CFAP54: variants seen among roughly 807,000 people sequenced by gnomAD.
The protein encoded by CFAP54 is cilia and flagella associated protein 54.
Under a neutral mutation model 370.4 loss-of-function variants are expected in CFAP54, and 290 were observed. The observed-to-expected ratio is 0.78, with a 90% confidence interval of 0.71 to 0.86. The LOEUF (loss-of-function observed/expected upper bound fraction) is 0.86. Ranked by LOEUF, CFAP54 falls within the 40% of genes least tolerant of loss-of-function variation. CFAP54 has a pLI of 0.00. For missense variants in CFAP54, 3,399 were observed against 3,528.7 expected (o/e 0.96, Z 0.93); for synonymous variants, 1,206 against 1,236.5 (o/e 0.98, Z 0.52).
chr12:96,769,789 C>T (rs1958440402), intron 60 of CFAP54, among the ~76,000 whole-genome samples: 1 of 152,182 alleles, frequency 6.6e-6, no homozygotes, highest in South Asian at 2.1e-4. Flanking sequence ...AACGTAAACA[C>T]CCTACTTTGG....
Position 96,743,504 on chromosome 12 carries a change from T to C in CFAP54, c.7322T>C (p.Val2441Ala), listed in dbSNP as rs1780510975. 6.2e-7 allele frequency: 1 copy of C among 1,613,994 alleles called. No homozygotes were observed. Among genetic ancestry groups the C allele is most frequent in the South Asian group, 1.1e-5 (1 of 91,086 alleles). The stretch of plus-strand genomic sequence containing the variant: ...CAGGCTGAATTCTTGACGCAAGCTG[T>C]AATTCTTGGCCTACAAGAAAAGCAT... ...ELQAEFLTQA[V>A]ILGLQEKHLK... The change falls in exon 53 of 68, where the codon GTA (valine) becomes GCA (alanine). Residue 2441 changes from valine to alanine, a missense_variant. Physicochemically the swap from Val to Ala is moderately conservative, Grantham distance 64. Transcript: ENST00000524981.
chr12:96,758,894 C>G (rs1958299548), intron 58 of CFAP54, among the ~76,000 whole-genome samples: 1 of 152,130 alleles, frequency 6.6e-6, no homozygotes, highest in African/African-American at 2.4e-5. Flanking sequence ...GTCTGTGGGC[C>G]ACACGTGAGG....
chr12:96,652,728 C>G (rs545627793), intron 36 of CFAP54, among the ~76,000 whole-genome samples: 1 of 152,192 alleles, frequency 6.6e-6, no homozygotes, highest in African/African-American at 2.4e-5. Flanking sequence ...AAGCAAGACA[C>G]ATGTACCCGT....
chr12:96,813,848 G>A (rs1958949804), intron 64 of CFAP54, among the ~76,000 whole-genome samples: 1 of 152,208 alleles, frequency 6.6e-6, no homozygotes, highest in South Asian at 2.1e-4. Context: ...GGTTTAAAAA[G>A]CTGGAACAGG....
Position 96,604,784 on chromosome 12 carries a change from A to G in CFAP54, c.3639+6017A>G, listed in dbSNP as rs139399776. 2.3e-3 allele frequency among the ~76,000 whole-genome samples: 348 copies of G among 152,380 alleles called. 1 individual carries two copies. The highest frequency in any genetic ancestry group is 6.7e-3 in the Admixed American group (102 of 15,308). ...CCATGGGCATGGGACCTGCCAAGCCAGGCATGGGAGGGAATCTCCTGGTCT... is the reference window on the plus strand; with the variant it reads ...CCATGGGCATGGGACCTGCCAAGCCGGGCATGGGAGGGAATCTCCTGGTCT... On this transcript the variant is annotated intron_variant, in intron 26 of 67. Coordinates refer to ENST00000524981, the MANE Select transcript of CFAP54 (RefSeq NM_001306084.2).
intron 62 of CFAP54, 35 bp from the exon 63 acceptor site, chr12:96,792,294 C>T: frequency 2.8e-6 from 4 of 1,419,144 alleles, no homozygotes; most frequent in East Asian, 2.6e-5. Flanking sequence ...AATTTATTAC[C>T]AGTAATTAAA....
chr12:96,512,785 A>G (rs1955187893), intron 4 of CFAP54, among the ~76,000 whole-genome samples: 1 of 152,238 alleles, frequency 6.6e-6, no homozygotes, highest in African/African-American at 2.4e-5. Context: ...CATATTTAAA[A>G]TACGGCCATG....
intron 64 of CFAP54, among the ~76,000 whole-genome samples, chr12:96,812,459 T>C (rs1958937283): frequency 6.6e-6 from 1 of 152,176 alleles, no homozygotes; most frequent in Non-Finnish European, 1.5e-5. Flanking sequence ...CTGTTGTTGT[T>C]TTTTCATTTA....
intron 46 of CFAP54, among the ~76,000 whole-genome samples, chr12:96,704,026 G>T (rs1260933113): frequency 6.6e-6 from 1 of 152,162 alleles, no homozygotes; most frequent in East Asian, 1.9e-4. Flanking sequence ...ACATTCATAG[G>T]ATAAAGTATC....
chr12:96,554,367 TG>T (rs1292650882), intron 16 of CFAP54, 57 bp downstream of exon 16: 2 of 1,446,910 alleles, frequency 1.4e-6, no homozygotes, highest in East Asian at 5.2e-5. Flanking sequence ...GGAAGAAAAC[TG>T]GCCTTGAAAG....
intron 1 of CFAP54, among the ~76,000 whole-genome samples, chr12:96,493,842 G>C (rs1314887278): frequency 6.6e-6 from 1 of 152,032 alleles, no homozygotes; most frequent in African/African-American, 2.4e-5. Context: ...ATAAATGCTA[G>C]AGAGAAAAAG....
rs192249980 is a variant in CFAP54, at chr12:96,510,455, G to T, written c.740-2531G>T. Among the ~76,000 whole-genome samples, 230 of 152,086 alleles carry T rather than the reference G, an allele frequency of 1.5e-3. 1 individual carries two copies. Among genetic ancestry groups the T allele is most frequent in the African/African-American group, 5.3e-3 (218 of 41,496 alleles). ...CATTTTAGTGCTGGAAAGGTGAAAGGCACCTTTTTGAAATACAGAGGGCCC... is the reference window on the plus strand; with the variant it reads ...CATTTTAGTGCTGGAAAGGTGAAAGTCACCTTTTTGAAATACAGAGGGCCC... On this transcript the variant is annotated intron_variant, in intron 4 of 67. Transcript: ENST00000524981.
intron 62 of CFAP54, among the ~76,000 whole-genome samples, chr12:96,791,245 C>T (rs1470531521): frequency 6.8e-6 from 1 of 147,168 alleles, no homozygotes; most frequent in Non-Finnish European, 1.5e-5. Flanking sequence ...AGTGCAGTGG[C>T]GTGATATCGG....
intron 4 of CFAP54, among the ~76,000 whole-genome samples, chr12:96,512,341 AT>A (rs1565880147): frequency 5.6e-4 from 37 of 65,874 alleles, no homozygotes; most frequent in African/African-American, 2.0e-3. Flanking sequence ...ATATATATAT[AT>A]ATATATATGT....
intron 8 of CFAP54, among the ~76,000 whole-genome samples, chr12:96,525,424 T>A (rs1894955): frequency 0.11 from 17,332 of 151,944 alleles, 1,593 homozygotes; most frequent in East Asian, 0.45. Context: ...AATATTTATA[T>A]TTCAAAATCT....
At chr12:96,582,561 T>A (rs1036835904) in intron 22 of CFAP54, among the ~76,000 whole-genome samples, 2 of 152,146 alleles carry the variant, frequency 1.3e-5, no homozygotes, top group South Asian at 2.1e-4. Flanking sequence ...GGTTTTCTGA[T>A]GTTTTGGTAT....
At chr12:96,726,327 G>A (rs369425613) in intron 50 of CFAP54, among the ~76,000 whole-genome samples, 13 of 152,264 alleles carry the variant, frequency 8.5e-5, no homozygotes, top group Non-Finnish European at 5.9e-5. Context: ...TGGTTGGTAA[G>A]CTATTGATTA....
intron 57 of CFAP54, 99 bp from the exon 58 acceptor site, chr12:96,757,396 C>A: frequency 1.7e-6 from 1 of 584,616 alleles, no homozygotes; most frequent in Non-Finnish European, 2.8e-6. Context: ...CTGGTTTTGC[C>A]AGTTTTTACC....
chr12:96,623,853 G>A lies in CFAP54; in HGVS notation c.3858G>A (p.Glu1286=). Residue 1286 remains glutamate, a synonymous_variant, in exon 28 of 68, where the codon GAG becomes GAA. Transcript: ENST00000524981. ...TAAATGAACAGCTGGCCTTGTTGGA[G>A]ACACACCTACTCAAACTGACAAAGC... ...EKINEQLALL[E]THLLKLTKQY... is the part of the protein sequence containing the mutation. 1 of 1,534,906 alleles carries A rather than the reference G, an allele frequency of 6.5e-7. No homozygotes were observed. The highest frequency in any genetic ancestry group is 8.7e-7 in the Non-Finnish European group (1 of 1,145,958).
Sources: allele counts gnomAD v4.1 joint callset (sites outside exome capture counted in the v4.1 genomes callset), GRCh38; gene constraint gnomAD v4.1.1; transcripts MANE v1.5; gene names NCBI Gene and HGNC (gene_info 2026-07-23, HGNC 2026-07-21).